Variants in COMMD7 observed in about 807,000 individuals in gnomAD.
The protein encoded by COMMD7 is COMM domain containing 7.
Under a neutral mutation model 34.8 loss-of-function variants are expected in COMMD7, and 28 were observed. The observed-to-expected ratio is 0.80, with a 90% CI of 0.60 to 1.10. COMMD7 has a LOEUF of 1.10. Among genes scored for constraint, COMMD7 ranks in the 50% least tolerant of loss-of-function variants. COMMD7 has a pLI of 0.00. For missense variants in COMMD7, 211 were observed against 241.6 expected, an observed-to-expected ratio of 0.87 and a Z score of 0.84; for synonymous variants, 80 against 86.4, an observed-to-expected ratio of 0.93 and a Z score of 0.41.
At chr20:32,734,223 C>G (rs187539839) in intron 1 of COMMD7, among the ~76,000 whole-genome samples, 4 of 149,840 alleles carry the variant, frequency 2.7e-5, no homozygotes. Flanking sequence ...GCTTGTAATC[C>G]CAGCACTTTG....
At chr20:32,705,358 G>GTATATATATATA (rs559340881) in intron 5 of COMMD7, among the ~76,000 whole-genome samples, 1 of 138,586 alleles carries the variant, frequency 7.2e-6, no homozygotes, top group African/African-American at 2.8e-5. Flanking sequence ...ATGTGTGTGT[G>GTATATATATATA]TATATATATA....
chr20:32,711,796 G>A (rs1984460272), intron 3 of COMMD7, among the ~76,000 whole-genome samples: 1 of 143,282 alleles, frequency 7.0e-6, no homozygotes. Context: ...TTGACCTTAT[G>A]TCAGACAGAA....
At chr20:32,738,488 G>A (rs914869890) in intron 1 of COMMD7, among the ~76,000 whole-genome samples, 11 of 152,134 alleles carry the variant, frequency 7.2e-5, no homozygotes, top group Admixed American at 3.3e-4. Flanking sequence ...TTGGGAGGCT[G>A]AGGCAGGAGA....
At chr20:32,721,171 CTAACAGGA>C (rs1985131575) in intron 3 of COMMD7, among the ~76,000 whole-genome samples, 1 of 152,142 alleles carries the variant, frequency 6.6e-6, no homozygotes, top group Non-Finnish European at 1.5e-5. Flanking sequence ...TGAAGGCAAT[CTAACAGGA>C]TACAGTGGGG....
rs770729933 is a variant in COMMD7, at chr20:32,706,598, A to G, written c.321T>C (p.Thr107=). The change falls in exon 5 of 9, where the codon ACT becomes ACC. Residue 107 remains threonine, a synonymous_variant. Coordinates refer to ENST00000278980, the MANE Select transcript of COMMD7 (RefSeq NM_053041.3). ...GGAATTATACCTTTTCAGAAAAGTA[A>G]GTGGCTTTCTCCTCACTAAGACCTA... The part of the protein sequence containing the change: ...ITLGLSEEKA[T]YFSEKWKQNA... The G allele has an allele frequency of 1.2e-6, 2 of 1,609,390 alleles. No individual in the cohort carries two copies. The highest frequency in any genetic ancestry group is 1.1e-5 in the South Asian group (1 of 90,958).
chr20:32,739,644 CAAAAAAAA>C lies in COMMD7; in HGVS notation c.84+3656_84+3663del, dbSNP rs1176056154. On this transcript the variant is annotated intron_variant, in intron 1 of 8. Transcript: ENST00000278980. ...TCGGTGACAGAGCAAGGCTCTGTATCAAAAAAAAAAAAAAAAAAAATACATAAAAGCAC... is the reference window on the plus strand; with the variant it reads ...TCGGTGACAGAGCAAGGCTCTGTATCAAAAAAAAAAAATACATAAAAGCAC... 5.4e-4 allele frequency among the ~76,000 whole-genome samples: 30 copies of C among 56,004 alleles called. 3 individuals are homozygous for C. The highest frequency in any genetic ancestry group is 1.9e-3 in the African/African-American group (26 of 13,834). 36.7% of individuals were successfully genotyped at this position (56,004 alleles called of 152,430 possible). A position where few individuals can be genotyped will look rare whatever the true frequency, so the allele number is the denominator to read the frequency against.
At chr20:32,715,763 T>C (rs936605458) in intron 3 of COMMD7, among the ~76,000 whole-genome samples, 1 of 152,124 alleles carries the variant, frequency 6.6e-6, no homozygotes, top group Non-Finnish European at 1.5e-5. Flanking sequence ...ACTGTGATCA[T>C]GCCACTGAAC....
chr20:32,706,341 G>A (rs1482572827), intron 5 of COMMD7, among the ~76,000 whole-genome samples: 2 of 151,560 alleles, frequency 1.3e-5, no homozygotes, highest in Non-Finnish European at 2.9e-5. Flanking sequence ...GCGAAACCCC[G>A]TCTCTACTAA....
intron 3 of COMMD7, among the ~76,000 whole-genome samples, chr20:32,711,105 G>T (rs1307275984): frequency 6.6e-6 from 1 of 151,538 alleles, no homozygotes; most frequent in Non-Finnish European, 1.5e-5. Flanking sequence ...ATAAAAATAA[G>T]TGTTACTTTG....
intron 7 of COMMD7, 91 bp from the exon 8 acceptor site, chr20:32,704,162 C>T (rs750486864): frequency 1.7e-5 from 19 of 1,096,648 alleles, no homozygotes; most frequent in Non-Finnish European, 2.1e-5. Context: ...AAGCTTCCAA[C>T]CTGAGAGTCA....
Position 32,710,728 on chromosome 20 carries a change from CAAA to C in COMMD7, c.242-3971_242-3969del, listed in dbSNP as rs34067876. 1.4e-3 allele frequency among the ~76,000 whole-genome samples: 128 copies of C among 94,556 alleles called. 1 individual carries two copies. In the Middle Eastern group the frequency reaches 0.017, roughly 13 times the overall value. 62.0% of individuals were successfully genotyped at this position (94,556 alleles called of 152,430 possible). ...TATGTAACAGGGTGAGACCTCATCT[CAAA>C]AAAAAAAAAAAAAAAAATAGATGTA... On this transcript the variant is annotated intron_variant, in intron 3 of 8. Coordinates refer to ENST00000278980, the MANE Select transcript of COMMD7 (RefSeq NM_053041.3).
At chr20:32,705,376 ATTT>A (rs200183828) in intron 5 of COMMD7, among the ~76,000 whole-genome samples, 152 of 125,456 alleles carry the variant, frequency 1.2e-3, no homozygotes, top group Non-Finnish European at 1.5e-3. Flanking sequence ...ATATATATAT[ATTT>A]TTTTTTTTCT....
At position 32,737,393 on chromosome 20, in the gene COMMD7, C is replaced by T. The variant is rs185226632; in HGVS notation, c.84+5915G>A. Among the ~76,000 whole-genome samples, 182 of 82,164 alleles carry T rather than the reference C, an allele frequency of 2.2e-3. 1 individual carries two copies. The highest frequency in any genetic ancestry group is 5.9e-3 in the African/African-American group (144 of 24,214). The allele number at this position is 82,164 out of a possible 152,430, so 53.9% of individuals were successfully genotyped here. A position where few individuals can be genotyped will look rare whatever the true frequency, so the allele number is the denominator to read the frequency against. On this transcript the variant is annotated intron_variant, in intron 1 of 8. Transcript: ENST00000278980. ...TCAAAAAAAAAAGATAAGCCAGGCA[C>T]GGTGGTACATGCCTATAGTCCCAGC...
intron 3 of COMMD7, among the ~76,000 whole-genome samples, chr20:32,712,752 T>C (rs1242235939): frequency 6.5e-5 from 1 of 15,500 alleles, no homozygotes; most frequent in South Asian, 2.5e-3. Flanking sequence ...CACGGAGACT[T>C]TTTTTTTTTT....
At chr20:32,711,163 G>C (rs1486565177) in intron 3 of COMMD7, among the ~76,000 whole-genome samples, 1 of 152,136 alleles carries the variant, frequency 6.6e-6, no homozygotes, top group Admixed American at 6.6e-5. Context: ...TTGGGAGGCT[G>C]AGGCGGGTGG....
intron 3 of COMMD7, among the ~76,000 whole-genome samples, chr20:32,720,531 C>T (rs1038917777): frequency 3.9e-5 from 6 of 152,100 alleles, no homozygotes; most frequent in Admixed American, 1.3e-4. Flanking sequence ...TAGACTAGGC[C>T]GGGCATGGTG....
chr20:32,729,833 C>G (rs930300990), intron 1 of COMMD7, among the ~76,000 whole-genome samples: 3 of 145,502 alleles, frequency 2.1e-5, no homozygotes, highest in Admixed American at 6.9e-5. Context: ...AGTGAAACCC[C>G]GTCTCTACTA....
At chr20:32,721,249 A>G (rs1023407449) in intron 3 of COMMD7, among the ~76,000 whole-genome samples, 1 of 152,134 alleles carries the variant, frequency 6.6e-6, no homozygotes, top group African/African-American at 2.4e-5. Context: ...AGGCAGGAGG[A>G]CTGCTTGGGC....
At chr20:32,721,927 G>A (rs927889416) in intron 3 of COMMD7, among the ~76,000 whole-genome samples, 1 of 151,400 alleles carries the variant, frequency 6.6e-6, no homozygotes, top group African/African-American at 2.4e-5. Context: ...CGAGTGTGGT[G>A]GCATGCATCT....
Sources: gnomAD v4.1 joint callset for allele counts (sites outside exome capture counted in the v4.1 genomes callset) on GRCh38, gnomAD v4.1.1 for gene constraint, MANE v1.5 for transcripts, NCBI Gene and HGNC (gene_info 2026-07-23, HGNC 2026-07-21) for gene names.